The following JARID2 variants were observed in gnomAD, a reference collection of about 807,000 sequenced individuals.
The protein encoded by JARID2 is jumonji and AT-rich interaction domain containing 2.
JARID2 carries 21 observed loss-of-function variants against 125.6 expected under a neutral mutation model. The ratio of observed to expected loss-of-function variants is 0.17; its 90% CI spans 0.12 to 0.24. The LOEUF (loss-of-function observed/expected upper bound fraction) is 0.24. Ranked by LOEUF, JARID2 falls within the 10% of genes least tolerant of loss-of-function variation. The pLI, the probability that JARID2 is intolerant of heterozygous loss-of-function variation, is 1.00. For synonymous variants in JARID2, 736 were observed against 661.6 expected, an observed-to-expected ratio of 1.11 and a Z score of -1.73; for missense variants, 1,303 against 1,639.6, an observed-to-expected ratio of 0.79 and a Z score of 3.55.
intron 3 of JARID2, among the ~76,000 whole-genome samples, chr6:15,435,781 T>C (rs1338515077): frequency 2.0e-5 from 3 of 152,214 alleles, no homozygotes; most frequent in African/African-American, 2.4e-5. Flanking sequence ...GTATAAGCTG[T>C]TTGGCACATT....
At chr6:15,439,988 G>C (rs752063317) in intron 3 of JARID2, among the ~76,000 whole-genome samples, 13 of 152,202 alleles carry the variant, frequency 8.5e-5, no homozygotes, top group Non-Finnish European at 1.5e-4. Context: ...GCAGAGTGTT[G>C]TTGGTTCCGT....
intron 3 of JARID2, among the ~76,000 whole-genome samples, chr6:15,446,117 T>A (rs1256969313): frequency 2.0e-5 from 3 of 152,094 alleles, no homozygotes; most frequent in Non-Finnish European, 4.4e-5. Flanking sequence ...ACCATGTGTG[T>A]ACTGTATTCT....
Position 15,501,026 on chromosome 6 carries a change from A to G in JARID2, c.2065A>G (p.Thr689Ala), listed in dbSNP as rs1446189314. The change falls in exon 8 of 18, where the codon ACT (threonine) becomes GCT (alanine). Residue 689 changes from threonine (T) to alanine (A), a missense_variant. Thr to Ala is a moderately conservative substitution (Grantham distance 58). Around this residue, in one of 11 missense-constraint regions of JARID2, gnomAD observed 64 missense variants for 166.8 expected, o/e 0.38. Transcript: ENST00000341776. ...AGCAGACATGCTGCGCATCCCCAGA[A>G]CTGCCCAGGACCGGCTGGCCAAGCT... is the stretch of plus-strand genomic sequence containing the variant. Reference protein sequence around the residue: ...KLADMLRIPRTAQDRLAKLQE... With the variant: ...KLADMLRIPRAAQDRLAKLQE... The G allele has an allele frequency of 6.2e-7, 1 of 1,614,198 alleles. No individual in the cohort carries two copies. The highest frequency in any genetic ancestry group is 8.5e-7 in the Non-Finnish European group (1 of 1,180,010).
intron 6 of JARID2, among the ~76,000 whole-genome samples, chr6:15,494,337 G>A (rs988692394): frequency 3.3e-5 from 5 of 151,266 alleles, no homozygotes; most frequent in African/African-American, 1.2e-4. Flanking sequence ...CACTCTGCCG[G>A]TAGGGCCCAG....
intron 2 of JARID2, among the ~76,000 whole-genome samples, chr6:15,391,838 A>C (rs1356345261): frequency 6.6e-6 from 1 of 152,118 alleles, no homozygotes; most frequent in Non-Finnish European, 1.5e-5. Flanking sequence ...TTCAGTGGTG[A>C]GTGGCTTTGG....
chr6:15,449,207 G>C (rs1767809415), intron 3 of JARID2, among the ~76,000 whole-genome samples: 1 of 152,078 alleles, frequency 6.6e-6, no homozygotes. Context: ...TGTTCCCCAT[G>C]ACATAGAGAT....
intron 1 of JARID2, among the ~76,000 whole-genome samples, chr6:15,274,461 C>T (rs950202833): frequency 1.3e-5 from 2 of 152,170 alleles, no homozygotes; most frequent in Non-Finnish European, 2.9e-5. Flanking sequence ...TCTGAAGAAA[C>T]ATGCTCTATT....
intron 1 of JARID2, among the ~76,000 whole-genome samples, chr6:15,330,895 A>G (rs1001152743): frequency 2.6e-5 from 4 of 152,178 alleles, no homozygotes; most frequent in Non-Finnish European, 4.4e-5. Flanking sequence ...TCTGTTTTTA[A>G]AAGGTGACTT....
intron 4 of JARID2, among the ~76,000 whole-genome samples, chr6:15,460,205 A>AGG (rs1186934629): frequency 6.6e-6 from 1 of 152,136 alleles, no homozygotes; most frequent in African/African-American, 2.4e-5. Flanking sequence ...TTGAGGTCTG[A>AGG]GGAGGGGAAG....
In JARID2 at chr6:15,246,121, C is replaced by A. The variant is rs980741651; in HGVS notation, c.-419C>A. Among the ~76,000 whole-genome samples the A allele has an allele frequency of 6.6e-6, 1 of 152,170 alleles. No homozygotes were observed. The highest frequency in any genetic ancestry group is 1.5e-5 in the Non-Finnish European group (1 of 68,042). ...GCTGCAGCACAAACGTGACTTCCAA[C>A]ATTTTTTATTTATCTTTCCCTTTTC... On this transcript the variant is annotated 5_prime_UTR_variant, in exon 1 of 18. Transcript: ENST00000341776.
chr6:15,498,344 C>G (rs1283132874), intron 7 of JARID2, among the ~76,000 whole-genome samples: 1 of 152,194 alleles, frequency 6.6e-6, no homozygotes, highest in East Asian at 1.9e-4. Context: ...TCTGGGCTGT[C>G]ATGCAGACCC....
At chr6:15,350,707 T>A (rs1763392920) in intron 1 of JARID2, among the ~76,000 whole-genome samples, 1 of 151,366 alleles carries the variant, frequency 6.6e-6, no homozygotes, top group African/African-American at 2.4e-5. Flanking sequence ...GGATTTCATT[T>A]CAATGCCAAA....
At chr6:15,510,470 G>GA (rs1281317711) in intron 12 of JARID2, among the ~76,000 whole-genome samples, 1 of 152,188 alleles carries the variant, frequency 6.6e-6, no homozygotes, top group African/African-American at 2.4e-5. Flanking sequence ...TTGCCGTGAG[G>GA]AGGCCGTGTA....
At chr6:15,370,940 A>G (rs1017002009) in intron 1 of JARID2, among the ~76,000 whole-genome samples, 5 of 152,208 alleles carry the variant, frequency 3.3e-5, no homozygotes, top group African/African-American at 9.7e-5. Flanking sequence ...CAACTCATCT[A>G]CTAGATTTGT....
chr6:15,264,846 A>G (rs1185934466), intron 1 of JARID2, among the ~76,000 whole-genome samples: 3 of 152,144 alleles, frequency 2.0e-5, no homozygotes, highest in Non-Finnish European at 4.4e-5. Context: ...TTAAGAATTG[A>G]GTTAGAACTG....
At chr6:15,330,978 A>G (rs971429983) in intron 1 of JARID2, among the ~76,000 whole-genome samples, 1 of 152,200 alleles carries the variant, frequency 6.6e-6, no homozygotes, top group African/African-American at 2.4e-5. Flanking sequence ...CTTAAGTACA[A>G]GGACATCTCA....
At position 15,400,897 on chromosome 6, in the gene JARID2, C is replaced by T; in HGVS notation, c.182-9327C>T. ...CTGCCTCACTGCGCTCTTCCTCCCTCCCTCCCTCTGTCCTTCTTCCTCTCT... is the reference window on the plus strand; with the variant it reads ...CTGCCTCACTGCGCTCTTCCTCCCTTCCTCCCTCTGTCCTTCTTCCTCTCT... On this transcript the variant is annotated intron_variant, in intron 2 of 17. Coordinates refer to ENST00000341776, the MANE Select transcript of JARID2 (RefSeq NM_004973.4). 14 of 1,288,648 alleles carry T rather than the reference C, an allele frequency of 1.1e-5. 1 individual carries two copies. The South Asian group carries it at 1.7e-4, about 16-fold the overall frequency. The allele number at this position is 1,288,648 out of a possible 1,614,324, so 79.8% of individuals were successfully genotyped here.
intron 1 of JARID2, among the ~76,000 whole-genome samples, chr6:15,348,523 A>G (rs1313755607): frequency 6.6e-6 from 1 of 152,216 alleles, no homozygotes; most frequent in Non-Finnish European, 1.5e-5. Context: ...CAGAGTCTTC[A>G]TAAGCTCATA....
intron 6 of JARID2, among the ~76,000 whole-genome samples, chr6:15,487,772 C>T (rs1014305529): frequency 6.6e-6 from 1 of 152,252 alleles, no homozygotes; most frequent in East Asian, 1.9e-4. Context: ...ACTGCATTCA[C>T]CAAGAAAGTG....
Sources: gnomAD v4.1 joint callset for allele counts (sites outside exome capture counted in the v4.1 genomes callset) on GRCh38, gnomAD v4.1.1 for gene constraint, gnomAD v4.1.1 regional missense constraint, MANE v1.5 for transcripts, NCBI Gene and HGNC (gene_info 2026-07-23, HGNC 2026-07-21) for gene names.